TMEM175: variants seen among roughly 807,000 people sequenced by gnomAD.
TMEM175 encodes transmembrane protein 175.
Under a neutral mutation model 36.5 loss-of-function variants are expected in TMEM175, and 36 were observed. That is an observed-to-expected ratio of 0.99 (90% confidence interval 0.76 to 1.30). The LOEUF (loss-of-function observed/expected upper bound fraction) is 1.30. TMEM175 is among the 50% of genes most tolerant of loss of function. The pLI is 0.00. For synonymous variants in TMEM175, 339 were observed against 313.4 expected (o/e 1.08, Z -0.86); for missense variants, 705 against 692.8 (o/e 1.02, Z -0.20).
At chr4:953,132 G>A in intron 7 of TMEM175, 58 bp from the exon 8 acceptor site, 1 of 1,529,938 alleles carries the variant, frequency 6.5e-7, no homozygotes. Flanking sequence ...GGGGTTGACT[G>A]CTGTGGGGGC....
Position 956,556 on chromosome 4 carries a change from C to T in TMEM175, c.842+666C>T, listed in dbSNP as rs1272742264. The T allele has an allele frequency of 5.1e-6, 5 of 984,500 alleles. No individual in the cohort carries two copies. In the African/African-American group the frequency reaches 8.7e-5, roughly 17 times the overall value. The allele number at this position is 984,500 out of a possible 1,614,324, so 61.0% of individuals were successfully genotyped here. A position where few individuals can be genotyped will look rare whatever the true frequency, so the allele number is the denominator to read the frequency against. On this transcript the variant is annotated intron_variant, in intron 10 of 10. Transcript: ENST00000264771. ...CTCCCAGGTTCAAGCAATTCTCCTG[C>T]CTCAGCCTCCCAAGTAGTTGGGATT...
Position 951,174 on chromosome 4 carries a change from T to C in TMEM175, c.291-33T>C, listed in dbSNP as rs997417239. The C allele has an allele frequency of 3.1e-6, 5 of 1,608,198 alleles. No individual in the cohort carries two copies. In the East Asian group the frequency reaches 1.1e-4, roughly 36 times the overall value. The stretch of plus-strand genomic sequence containing the variant: ...TGCATTTAATGTTACTACAACCGCG[T>C]TTTATTGTCTATCTTTTTCTTAAAT... On this transcript the variant is annotated intron_variant, in intron 4 of 10. Coordinates refer to ENST00000264771, the MANE Select transcript of TMEM175 (RefSeq NM_032326.4).
At chr4:937,207 C>T (rs1726894195) in intron 1 of TMEM175, among the ~76,000 whole-genome samples, 1 of 152,046 alleles carries the variant, frequency 6.6e-6, no homozygotes, top group South Asian at 2.1e-4. Context: ...GAATAGATAA[C>T]CTAAATAGCT....
intron 1 of TMEM175, among the ~76,000 whole-genome samples, chr4:939,316 C>T (rs1432269603): frequency 6.6e-6 from 1 of 152,254 alleles, no homozygotes; most frequent in East Asian, 1.9e-4. Context: ...TGCAGTGGCT[C>T]ACGCCTGTAA....
At position 934,367 on chromosome 4, in the gene TMEM175, C is replaced by T. The variant is rs147046593; in HGVS notation, c.-32+1827C>T. On this transcript the variant is annotated intron_variant, in intron 1 of 10. Coordinates refer to ENST00000264771, the MANE Select transcript of TMEM175 (RefSeq NM_032326.4). ...AGAGTGTCGTAACAGAGCCAAGGAA[C>T]GAGGATGTTCGGGGCAGAGAGTGCA... Among the ~76,000 whole-genome samples, 437 of 152,262 alleles carry T rather than the reference C, an allele frequency of 2.9e-3. 5 individuals carry two copies. The highest frequency in any genetic ancestry group is 4.6e-3 in the Non-Finnish European group (311 of 68,018).
intron 1 of TMEM175, among the ~76,000 whole-genome samples, chr4:939,756 A>G (rs1727213400): frequency 6.6e-6 from 1 of 152,186 alleles, no homozygotes; most frequent in Non-Finnish European, 1.5e-5. Flanking sequence ...ACCTAGCATT[A>G]TGTATAAAAG....
intron 3 of TMEM175, chr4:948,668 T>C (rs1728494818): frequency 4.9e-6 from 6 of 1,216,870 alleles, no homozygotes; most frequent in Non-Finnish European, 6.3e-6. Flanking sequence ...GTTTCTGAGC[T>C]AAAGAGCCAA....
intron 10 of TMEM175, among the ~76,000 whole-genome samples, chr4:956,105 C>A (rs28440052): frequency 0.59 from 85,509 of 145,496 alleles, 27,442 homozygotes; most frequent in East Asian, 0.76. Context: ...CCCTTCCCAG[C>A]GGCTCCCACC....
chr4:945,438 C>T (rs540773679), intron 1 of TMEM175, among the ~76,000 whole-genome samples: 5 of 152,150 alleles, frequency 3.3e-5, no homozygotes, highest in Non-Finnish European at 7.4e-5. Flanking sequence ...TTCCCCAGGT[C>T]CCTGCCCTCC....
Position 932,505 on chromosome 4 carries a change from G to C in TMEM175, c.-67G>C, listed in dbSNP as rs915432505. On this transcript the variant is annotated 5_prime_UTR_variant, in exon 1 of 11. Coordinates refer to ENST00000264771, the MANE Select transcript of TMEM175 (RefSeq NM_032326.4). The surrounding 1 kb of genome is among the most constrained non-coding windows in gnomAD (Gnocchi z 4.0). ...CCCGGCCGGGCTGACTCAAGCGGAG[G>C]CGCGCGGAACAGTCGCCGAGGCGAT... 3.0e-5 allele frequency: 14 copies of C among 468,448 alleles called. No individual in the cohort carries two copies. The highest frequency in any genetic ancestry group is 2.9e-4 in the African/African-American group (14 of 48,782). 29.0% of individuals were successfully genotyped at this position (468,448 alleles called of 1,614,324 possible).
chr4:957,724 G>A (rs1212842196), intron 10 of TMEM175, 100 bp from the exon 11 acceptor site: 48 of 1,201,632 alleles, frequency 4.0e-5, no homozygotes, highest in Middle Eastern at 2.0e-4. Flanking sequence ...ATCTGAAAAC[G>A]TGCCAGATCC....
intron 1 of TMEM175, among the ~76,000 whole-genome samples, chr4:937,859 T>C (rs1037607606): frequency 9.9e-5 from 15 of 152,136 alleles, no homozygotes; most frequent in African/African-American, 3.4e-4. Context: ...GAGTGGGATA[T>C]CTCAAGAGGG....
chr4:945,869 C>T (rs1728078928), intron 1 of TMEM175: 1 of 152,342 alleles, frequency 6.6e-6, no homozygotes, highest in Non-Finnish European at 1.5e-5. Context: ...CTCCTCCTTC[C>T]CGGGTGCCAC....
chr4:936,308 A>C (rs7697111), intron 1 of TMEM175, among the ~76,000 whole-genome samples: 3 of 148,028 alleles, frequency 2.0e-5, no homozygotes, highest in Admixed American at 6.7e-5. Context: ...CTCTGTCACA[A>C]AAAAAAAAAA....
At chr4:952,810 C>T (rs139937218) in intron 7 of TMEM175, among the ~76,000 whole-genome samples, 1 of 151,606 alleles carries the variant, frequency 6.6e-6, no homozygotes, top group East Asian at 2.0e-4. Context: ...TGATCGATTG[C>T]CGTCAGGTCA....
intron 1 of TMEM175, among the ~76,000 whole-genome samples, chr4:945,033 G>A (rs1034075724): frequency 3.3e-5 from 5 of 152,156 alleles, no homozygotes; most frequent in African/African-American, 9.7e-5. Flanking sequence ...AGCCTAGGAG[G>A]TCGAGGCTGC....
chr4:951,096 C>T lies in TMEM175; in HGVS notation c.291-111C>T, dbSNP rs1728835432. On this transcript the variant is annotated intron_variant, in intron 4 of 10. Coordinates refer to ENST00000264771, the MANE Select transcript of TMEM175 (RefSeq NM_032326.4). ...TAGGTAGTAGTTTATATTTGGTTAA[C>T]AGTGACATCTTTTAATGATGTTTTA... The T allele has an allele frequency of 3.0e-5, 32 of 1,078,046 alleles. No homozygotes were observed. In the South Asian group the frequency reaches 3.9e-4, roughly 13 times the overall value. The allele number at this position is 1,078,046 out of a possible 1,614,324, so 66.8% of individuals were successfully genotyped here.
intron 10 of TMEM175, chr4:956,525 C>T (rs2153005445): frequency 3.4e-6 from 4 of 1,182,850 alleles, no homozygotes; most frequent in South Asian, 1.4e-5. Flanking sequence ...TCACTGCAAC[C>T]TCCGCCTCCC....
chr4:958,311 A>G lies in TMEM175; in HGVS notation c.1330A>G (p.Ser444Gly), dbSNP rs755562202. ...CTCCACCTGCCTGCTGAGCAGGTTC[A>G]GTGTGGGCATCTTCCACCTCATGCA... ...FASTCLLSRF[S>G]VGIFHLMQIA... Residue 444 changes from serine to glycine, a missense_variant, in exon 11 of 11, where the codon AGT becomes GGT. By Grantham distance (56) the Ser-to-Gly change is moderately conservative. Coordinates refer to ENST00000264771, the MANE Select transcript of TMEM175 (RefSeq NM_032326.4). The G allele has an allele frequency of 5.0e-6, 8 of 1,605,656 alleles. No individual in the cohort carries two copies. Among genetic ancestry groups the G allele is most frequent in the Non-Finnish European group, 6.8e-6 (8 of 1,179,806 alleles).
Sources: allele counts gnomAD v4.1 joint callset (sites outside exome capture counted in the v4.1 genomes callset), GRCh38; gene constraint gnomAD v4.1.1; non-coding constraint Gnocchi (gnomAD v3.1); transcripts MANE v1.5; gene names NCBI Gene and HGNC (gene_info 2026-07-23, HGNC 2026-07-21).